MBD5: variants seen among roughly 807,000 people sequenced by gnomAD.
MBD5 encodes methyl-CpG-binding domain protein 5.
Under a neutral mutation model 117.3 loss-of-function variants are expected in MBD5, and 13 were observed. The ratio of observed to expected loss-of-function variants is 0.11; its 90% CI spans 0.07 to 0.18. MBD5 has a LOEUF of 0.18. Ranked by LOEUF, MBD5 falls within the 10% of genes least tolerant of loss-of-function variation. The pLI, the probability that MBD5 is intolerant of heterozygous loss-of-function variation, is 1.00. For synonymous variants in MBD5, 727 were observed against 766.4 expected, an observed-to-expected ratio of 0.95 and a Z score of 0.85; for missense variants, 1,879 against 2,093.8, an observed-to-expected ratio of 0.90 and a Z score of 2.00.
rs6729939 is a variant in MBD5 at position 148,061,023 on chromosome 2, A to T, written c.-925+39339A>T. 3.7e-3 allele frequency among the ~76,000 whole-genome samples: 569 copies of T among 152,190 alleles called. 4 individuals are homozygous for T. The highest frequency in any genetic ancestry group is 0.013 in the African/African-American group (535 of 41,542). On this transcript the variant is annotated intron_variant, in intron 1 of 13. Transcript: ENST00000642680. ...CTTCTCCATTGTAAAAAGTTTTCCC[A>T]ATCCCAGAATGACTCATTTTTTGAA...
At chr2:148,065,634 A>C (rs1462526760) in intron 1 of MBD5, among the ~76,000 whole-genome samples, 1 of 152,208 alleles carries the variant, frequency 6.6e-6, no homozygotes, top group Non-Finnish European at 1.5e-5. Context: ...GTTGCTTCAA[A>C]GTTGAATGTG....
intron 11 of MBD5, among the ~76,000 whole-genome samples, chr2:148,495,420 AT>A (rs1157202633): frequency 6.6e-6 from 1 of 152,110 alleles, no homozygotes; most frequent in Non-Finnish European, 1.5e-5. Context: ...AAAAACTAAA[AT>A]TTTTATTTTT....
chr2:148,030,905 T>C (rs1054172460), intron 1 of MBD5, among the ~76,000 whole-genome samples: 6 of 152,112 alleles, frequency 3.9e-5, no homozygotes, highest in Admixed American at 2.0e-4. Context: ...TCTAACAGGG[T>C]GAAAAGCCTA....
chr2:148,475,875 C>T (rs575411360), intron 8 of MBD5, among the ~76,000 whole-genome samples: 2 of 152,196 alleles, frequency 1.3e-5, no homozygotes, highest in African/African-American at 4.8e-5. Context: ...TAATTCAAAT[C>T]ATAAATAAAA....
rs760629404 is a variant in MBD5, at chr2:148,489,765, A to G, written c.4133A>G (p.His1378Arg). Residue 1378 changes from histidine to arginine, a missense_variant, in exon 11 of 14, where the codon CAT becomes CGT. His to Arg is a conservative substitution (Grantham distance 29). Transcript: ENST00000642680. ...NLSSAVSAVI[H>R]GRNMGGVDHD... ...TCCAGTGCTGTCAGTGCGGTCATTC[A>G]TGGACGGAACATGGGAGGTGTTGAT... 3 of 1,614,052 alleles carry G rather than the reference A, an allele frequency of 1.9e-6. No homozygotes were observed. Among genetic ancestry groups the G allele is most frequent in the East Asian group, 4.5e-5 (2 of 44,894 alleles).
chr2:148,029,560 T>G (rs1389707171), intron 1 of MBD5, among the ~76,000 whole-genome samples: 1 of 152,216 alleles, frequency 6.6e-6, no homozygotes, highest in Non-Finnish European at 1.5e-5. Context: ...TTGTTTTAAG[T>G]ATTTTGGTAA....
At chr2:148,245,204 G>A (rs1700307998) in intron 3 of MBD5, among the ~76,000 whole-genome samples, 1 of 152,114 alleles carries the variant, frequency 6.6e-6, no homozygotes, top group Non-Finnish European at 1.5e-5. Flanking sequence ...GGGAAACATA[G>A]TGAGACCCTG....
At chr2:148,180,392 T>C (rs1400712799) in intron 2 of MBD5, among the ~76,000 whole-genome samples, 1 of 131,008 alleles carries the variant, frequency 7.6e-6, no homozygotes, top group African/African-American at 3.0e-5. Flanking sequence ...TTAAGAGATG[T>C]AGTCTCTTTA....
intron 3 of MBD5, among the ~76,000 whole-genome samples, chr2:148,321,905 C>G (rs1294877066): frequency 6.6e-6 from 1 of 151,990 alleles, no homozygotes. Flanking sequence ...TTTTAAAATG[C>G]CATACTCTCT....
At chr2:148,480,599 A>C (rs1464216346) in intron 8 of MBD5, among the ~76,000 whole-genome samples, 1 of 152,102 alleles carries the variant, frequency 6.6e-6, no homozygotes, top group Admixed American at 6.6e-5. Context: ...AAAAGTTTTA[A>C]AAAAATTAAA....
intron 1 of MBD5, chr2:148,025,685 A>G (rs1693871830): frequency 6.6e-6 from 1 of 152,088 alleles, no homozygotes; most frequent in African/African-American, 2.4e-5. Flanking sequence ...TTGAGTTTTC[A>G]GATATTTTCT....
chr2:148,034,906 C>G (rs1262994011), intron 1 of MBD5, among the ~76,000 whole-genome samples: 1 of 152,134 alleles, frequency 6.6e-6, no homozygotes, highest in Non-Finnish European at 1.5e-5. Context: ...AGGCGACAAC[C>G]TGTAGAGCTT....
At chr2:148,120,837 T>C (rs1274257575) in intron 1 of MBD5, among the ~76,000 whole-genome samples, 2 of 152,182 alleles carry the variant, frequency 1.3e-5, no homozygotes, top group Non-Finnish European at 2.9e-5. Flanking sequence ...ACAGTGAAAG[T>C]CTTGTTCCTG....
intron 7 of MBD5, among the ~76,000 whole-genome samples, chr2:148,465,118 C>G (rs554303324): frequency 6.6e-6 from 1 of 152,242 alleles, no homozygotes; most frequent in South Asian, 2.1e-4. Context: ...TCTAGGCCAA[C>G]TTTGCACGAT....
At chr2:148,148,605 C>T (rs1248315469) in intron 1 of MBD5, among the ~76,000 whole-genome samples, 1 of 152,168 alleles carries the variant, frequency 6.6e-6, no homozygotes, top group African/African-American at 2.4e-5. Context: ...TTAATATTCT[C>T]CCTAGTCCTT....
At chr2:148,326,535 A>G (rs926151392) in intron 3 of MBD5, among the ~76,000 whole-genome samples, 84 of 152,288 alleles carry the variant, frequency 5.5e-4, no homozygotes, top group Non-Finnish European at 1.1e-3. Flanking sequence ...TTGGGTGCAC[A>G]TATATTTAGG....
chr2:148,282,106 A>C (rs1036746323), intron 3 of MBD5, among the ~76,000 whole-genome samples: 2 of 152,044 alleles, frequency 1.3e-5, no homozygotes, highest in African/African-American at 4.8e-5. Flanking sequence ...ATACTTTTTC[A>C]ATAATATATC....
At chr2:148,055,430 T>C (rs997947634) in intron 1 of MBD5, 5 of 151,366 alleles carry the variant, frequency 3.3e-5, no homozygotes, top group Non-Finnish European at 5.9e-5. Flanking sequence ...TTTTTTTTTT[T>C]TTCTTTTTTT....
chr2:148,218,101 G>C (rs1297421175), intron 2 of MBD5, among the ~76,000 whole-genome samples: 1 of 152,184 alleles, frequency 6.6e-6, no homozygotes, highest in Non-Finnish European at 1.5e-5. Flanking sequence ...AATATAGCCA[G>C]TATAGTGTAG....
Sources: allele counts gnomAD v4.1 joint callset (sites outside exome capture counted in the v4.1 genomes callset), GRCh38; gene constraint gnomAD v4.1.1; transcripts MANE v1.5; gene names NCBI Gene and HGNC (gene_info 2026-07-23, HGNC 2026-07-21).